Variants in USH2A observed in about 807,000 individuals in gnomAD.
The protein encoded by USH2A is usherin, also known as Usher syndrome 2A (autosomal recessive, mild).
In USH2A, 443 loss-of-function variants were observed where a neutral mutation model predicts 538.9. The observed-to-expected ratio is 0.82, with a 90% confidence interval of 0.76 to 0.89. The LOEUF (loss-of-function observed/expected upper bound fraction) is 0.89. Ranked by LOEUF, USH2A falls within the 40% of genes least tolerant of loss-of-function variation. The probability of loss-of-function intolerance (pLI) is 0.00; values close to 1 mark genes in which losing one functional copy is unlikely to be tolerated. For synonymous variants in USH2A, 2,413 were observed against 2,273.5 expected (o/e 1.06, Z -1.75); for missense variants, 6,633 against 6,324.8 (o/e 1.05, Z -1.65).
At chr1:215,689,498 C>G (rs772803930) in intron 61 of USH2A, among the ~76,000 whole-genome samples, 1 of 152,188 alleles carries the variant, frequency 6.6e-6, no homozygotes, top group Non-Finnish European at 1.5e-5. Flanking sequence ...TTCTCCCTCC[C>G]CCTGAGTGCA....
intron 3 of USH2A, among the ~76,000 whole-genome samples, chr1:216,413,660 A>T (rs183206835): frequency 7.9e-5 from 12 of 152,144 alleles, no homozygotes; most frequent in African/African-American, 2.4e-4. Flanking sequence ...TCATATTAGA[A>T]CTGCTCTTTT....
chr1:216,029,662 T>C (rs1045932991), intron 32 of USH2A, among the ~76,000 whole-genome samples: 5 of 151,890 alleles, frequency 3.3e-5, no homozygotes, highest in Non-Finnish European at 7.4e-5. Flanking sequence ...TATAGGGTCA[T>C]TGCAGTTTAC....
rs967432944 is a variant in USH2A, at chr1:216,072,535, A to G, written c.5857+354T>C. 7.0e-5 allele frequency: 24 copies of G among 340,880 alleles called. 1 individual carries two copies. The highest frequency in any genetic ancestry group is 9.8e-4 in the Middle Eastern group (1 of 1,018). The allele number at this position is 340,880 out of a possible 1,614,324, so 21.1% of individuals were successfully genotyped here. A position where few individuals can be genotyped will look rare whatever the true frequency, so the allele number is the denominator to read the frequency against. ...CCACTCCCAGCCAAGGATAATCCTA[A>G]TCCCTGACTTCAGCTTCTTGCTATC... is the stretch of plus-strand genomic sequence containing the variant. On this transcript the variant is annotated intron_variant, in intron 29 of 71. Transcript: ENST00000307340.
At chr1:215,786,528 G>A (rs1661805564) in intron 52 of USH2A, 142 bp downstream of exon 52, 3 of 880,380 alleles carry the variant, frequency 3.4e-6, no homozygotes, top group Admixed American at 2.0e-5. Flanking sequence ...TAATTACCTT[G>A]TAACTAGCTG....
intron 33 of USH2A, 88 bp downstream of exon 33, chr1:216,000,315 A>G: frequency 6.4e-7 from 1 of 1,555,484 alleles, no homozygotes; most frequent in Non-Finnish European, 8.8e-7. Context: ...CAATAAAATT[A>G]ATTTTATGTC....
chr1:215,990,638 T>C (rs1667980660), intron 35 of USH2A, among the ~76,000 whole-genome samples: 1 of 152,088 alleles, frequency 6.6e-6, no homozygotes, highest in Non-Finnish European at 1.5e-5. Flanking sequence ...AAGTTTACTT[T>C]AAACTTAAGG....
intron 44 of USH2A, among the ~76,000 whole-genome samples, chr1:215,855,840 A>G (rs904469108): frequency 1.3e-5 from 2 of 152,220 alleles, no homozygotes; most frequent in Admixed American, 1.3e-4. Flanking sequence ...AAATAGGCAT[A>G]TAGACCAATG....
chr1:216,014,085 AAGAGAG>A (rs35678269), intron 32 of USH2A, among the ~76,000 whole-genome samples: 2 of 145,356 alleles, frequency 1.4e-5, no homozygotes, highest in Non-Finnish European at 3.1e-5. Context: ...AGCATGAAAA[AAGAGAG>A]AGAGAGAGAG....
intron 21 of USH2A, among the ~76,000 whole-genome samples, chr1:216,115,116 T>A (rs1364153354): frequency 6.0e-4 from 2 of 3,328 alleles, no homozygotes; most frequent in Non-Finnish European, 1.1e-3. Flanking sequence ...TATTTATTTT[T>A]GTTTTGTTTT....
chr1:216,189,357 A>G (rs1429939735), intron 20 of USH2A, among the ~76,000 whole-genome samples: 2 of 152,008 alleles, frequency 1.3e-5, no homozygotes, highest in Non-Finnish European at 2.9e-5. Context: ...ACAGGTAAAC[A>G]TGAATTTTCG....
intron 21 of USH2A, among the ~76,000 whole-genome samples, chr1:216,139,464 G>C (rs575812815): frequency 7.9e-5 from 12 of 151,308 alleles, no homozygotes; most frequent in African/African-American, 2.7e-4. Flanking sequence ...TTTCCTTCTA[G>C]TTCCAGGACT....
intron 37 of USH2A, 48 bp downstream of exon 37, chr1:215,965,269 A>G: frequency 6.4e-7 from 1 of 1,551,102 alleles, no homozygotes; most frequent in South Asian, 1.2e-5. Context: ...AATAAAAATG[A>G]GTTGTTTTCT....
At chr1:216,368,165 G>A (rs920852946) in intron 3 of USH2A, among the ~76,000 whole-genome samples, 1 of 151,424 alleles carries the variant, frequency 6.6e-6, no homozygotes, top group Non-Finnish European at 1.5e-5. Context: ...TTGTGTCCCT[G>A]TGATAGATTG....
At chr1:216,315,809 C>T (rs987649530) in intron 9 of USH2A, among the ~76,000 whole-genome samples, 5 of 152,026 alleles carry the variant, frequency 3.3e-5, no homozygotes, top group Non-Finnish European at 5.9e-5. Flanking sequence ...TTATAAATAA[C>T]ATGTTTGTAA....
chr1:216,229,548 C>T (rs2035635217), intron 14 of USH2A, among the ~76,000 whole-genome samples: 2 of 152,136 alleles, frequency 1.3e-5, no homozygotes, highest in Admixed American at 1.3e-4. Flanking sequence ...CTCCTGGACT[C>T]AAGGGATCTG....
At chr1:216,154,779 T>G (rs1041677819) in intron 21 of USH2A, among the ~76,000 whole-genome samples, 1 of 152,220 alleles carries the variant, frequency 6.6e-6, no homozygotes, top group Non-Finnish European at 1.5e-5. Context: ...TATTGCTTAC[T>G]AGTATTTCAT....
At chr1:216,151,473 C>T (rs1488771411) in intron 21 of USH2A, among the ~76,000 whole-genome samples, 5 of 152,094 alleles carry the variant, frequency 3.3e-5, no homozygotes, top group Non-Finnish European at 7.4e-5. Flanking sequence ...CACTAATTCC[C>T]TTGATGGTCG....
intron 21 of USH2A, among the ~76,000 whole-genome samples, chr1:216,168,659 C>G (rs928485575): frequency 6.6e-6 from 1 of 152,114 alleles, no homozygotes; most frequent in Non-Finnish European, 1.5e-5. Flanking sequence ...GTTTAGAAGC[C>G]GTGCAGCCTC....
At chr1:215,980,577 T>A (rs1354535846) in intron 35 of USH2A, among the ~76,000 whole-genome samples, 8 of 152,210 alleles carry the variant, frequency 5.3e-5, no homozygotes, top group Admixed American at 5.2e-4. Flanking sequence ...CATAATTGGA[T>A]CCCTTTCCCT....
Sources: allele counts gnomAD v4.1 joint callset (sites outside exome capture counted in the v4.1 genomes callset), GRCh38; gene constraint gnomAD v4.1.1; transcripts MANE v1.5; gene names NCBI Gene and HGNC (gene_info 2026-07-23, HGNC 2026-07-21).